Variants in AOPEP observed in about 807,000 individuals in gnomAD.
The protein encoded by AOPEP is aminopeptidase O.
A neutral mutation model predicts 98.1 loss-of-function variants in AOPEP; 77 were observed. That is an observed-to-expected ratio of 0.78 (90% CI 0.65 to 0.95). The LOEUF (loss-of-function observed/expected upper bound fraction) is 0.95. Among genes scored for constraint, AOPEP ranks in the 40% least tolerant of loss-of-function variants. AOPEP has a pLI of 0.00. For missense variants in AOPEP, 1,024 were observed against 1,024.7 expected, an observed-to-expected ratio of 1.00 and a Z score of 0.01; for synonymous variants, 346 against 365.3, an observed-to-expected ratio of 0.95 and a Z score of 0.60.
chr9:94,987,410 G>A (rs115971075), intron 11 of AOPEP, among the ~76,000 whole-genome samples: 11,145 of 152,274 alleles, frequency 0.073, 1,032 homozygotes, highest in African/African-American at 0.22. Flanking sequence ...GTGCTGCTGG[G>A]AAACTCAGTG....
chr9:95,111,360 C>G, the AOPEP span: 1 of 1,597,908 alleles, frequency 6.3e-7, no homozygotes, highest in Non-Finnish European at 8.5e-7. Context: ...GGGCAGAGCT[C>G]AGGTGTCATG....
intron 5 of AOPEP, among the ~76,000 whole-genome samples, chr9:94,842,396 A>G (rs1346445313): frequency 6.6e-6 from 1 of 151,986 alleles, no homozygotes; most frequent in East Asian, 1.9e-4. Context: ...CAAACAAAAT[A>G]AAACCAAAAC....
At chr9:95,059,537 G>A (rs2067139184) in intron 13 of AOPEP, among the ~76,000 whole-genome samples, 1 of 151,846 alleles carries the variant, frequency 6.6e-6, no homozygotes, top group South Asian at 2.1e-4. Context: ...ATGAGTGAGG[G>A]GGTAAGGGGG....
intron 13 of AOPEP, among the ~76,000 whole-genome samples, chr9:95,010,230 T>G (rs1316316016): frequency 6.6e-6 from 1 of 152,234 alleles, no homozygotes; most frequent in Non-Finnish European, 1.5e-5. Context: ...TTAAACTATT[T>G]AACAAAGTAC....
intron 14 of AOPEP, among the ~76,000 whole-genome samples, chr9:95,061,277 G>A (rs1351278911): frequency 6.6e-6 from 1 of 152,194 alleles, no homozygotes; most frequent in Non-Finnish European, 1.5e-5. Flanking sequence ...AAAGCAATGT[G>A]ATATAGTCCT....
chr9:95,024,534 C>T (rs12339639), intron 13 of AOPEP, among the ~76,000 whole-genome samples: 15,834 of 152,234 alleles, frequency 0.1, 945 homozygotes, highest in East Asian at 0.18. Context: ...GATATGGTAT[C>T]TGACCCCTGT....
chr9:94,967,684 C>A, intron 9 of AOPEP, 74 bp from the exon 10 acceptor site: 3 of 1,295,498 alleles, frequency 2.3e-6, no homozygotes, highest in Non-Finnish European at 3.4e-6. Context: ...TGGGAGCACT[C>A]AGCCTCTGGC....
intron 13 of AOPEP, among the ~76,000 whole-genome samples, chr9:95,047,564 C>T (rs1231656654): frequency 6.6e-6 from 1 of 152,160 alleles, no homozygotes; most frequent in East Asian, 1.9e-4. Flanking sequence ...CTGCCCTGAT[C>T]AGTTCCCTTC....
chr9:94,742,346 A>G (rs1833327019), intron 1 of AOPEP, among the ~76,000 whole-genome samples: 2 of 152,156 alleles, frequency 1.3e-5, no homozygotes. Flanking sequence ...TGAGTAGCCC[A>G]CCAACCAGTG....
chr9:95,022,801 A>C (rs1487679316), intron 13 of AOPEP, among the ~76,000 whole-genome samples: 2 of 152,130 alleles, frequency 1.3e-5, no homozygotes, highest in African/African-American at 4.8e-5. Context: ...AGCAGGAAAA[A>C]TGTTTGTCTG....
chr9:94,753,449 G>A (rs1024406570), intron 1 of AOPEP, among the ~76,000 whole-genome samples: 3 of 152,128 alleles, frequency 2.0e-5, no homozygotes, highest in Admixed American at 6.6e-5. Context: ...AAGGTTATTC[G>A]AGATTGACTT....
chr9:95,122,223 T>C, the AOPEP span, among the ~76,000 whole-genome samples: 4 of 152,116 alleles, frequency 2.6e-5, no homozygotes, highest in African/African-American at 9.7e-5. Flanking sequence ...GATAGACATA[T>C]ATTCAGATTA....
chr9:94,746,061 C>G (rs7850601), intron 1 of AOPEP, among the ~76,000 whole-genome samples: 1 of 152,180 alleles, frequency 6.6e-6, no homozygotes, highest in East Asian at 1.9e-4. Context: ...TGAACTCTTT[C>G]GAGTGTTAGA....
At position 94,956,027 on chromosome 9, in the gene AOPEP, G is replaced by A; in HGVS notation, c.1872+12G>A. 2 of 1,476,038 alleles carry A rather than the reference G, an allele frequency of 1.4e-6. No homozygotes were observed. Among genetic ancestry groups the A allele is most frequent in the Non-Finnish European group, 1.9e-6 (2 of 1,055,236 alleles). The allele number at this position is 1,476,038 out of a possible 1,614,324, so 91.4% of individuals were successfully genotyped here. On this transcript the variant is annotated intron_variant, in intron 9 of 16. Coordinates refer to ENST00000375315, the MANE Select transcript of AOPEP (RefSeq NM_001193329.3). ...TGATTCTTTCCCAGGTAACTTATGGGTCCTCATGAGTCCATGATGTATGAC... is the reference window on the plus strand; with the variant it reads ...TGATTCTTTCCCAGGTAACTTATGGATCCTCATGAGTCCATGATGTATGAC...
chr9:94,802,683 T>C lies in AOPEP; in HGVS notation c.1364+1681T>C, dbSNP rs528197213. ...CATAACTTAGCAACAACAAGACTGC[T>C]TTTATGCTTAAAAGCAGGAGAACCG... On this transcript the variant is annotated intron_variant, in intron 5 of 16. Coordinates refer to ENST00000375315, the MANE Select transcript of AOPEP (RefSeq NM_001193329.3). Among the ~76,000 whole-genome samples the C allele has an allele frequency of 1.6e-3, 240 of 152,364 alleles. 1 individual carries two copies. Among genetic ancestry groups the C allele is most frequent in the Middle Eastern group, 3.4e-3 (1 of 294 alleles).
intron 1 of AOPEP, among the ~76,000 whole-genome samples, chr9:94,755,062 A>G (rs2132322405): frequency 6.6e-6 from 1 of 152,320 alleles, no homozygotes; most frequent in African/African-American, 2.4e-5. Context: ...CATTTAAAAT[A>G]CATACCACAT....
intron 5 of AOPEP, among the ~76,000 whole-genome samples, chr9:94,886,291 G>A (rs2048232945): frequency 6.6e-6 from 1 of 152,174 alleles, no homozygotes; most frequent in South Asian, 2.1e-4. Context: ...TGTGTTGGGT[G>A]TGTGAACATT....
chr9:95,063,617 G>C (rs1304811084), intron 14 of AOPEP, among the ~76,000 whole-genome samples: 1 of 152,216 alleles, frequency 6.6e-6, no homozygotes, highest in African/African-American at 2.4e-5. Context: ...AGCGTGCCCT[G>C]CTTTGAGTTT....
At chr9:94,934,285 AACTGCTGACTATGCTC>A (rs1310355402) in intron 7 of AOPEP, among the ~76,000 whole-genome samples, 1 of 145,210 alleles carries the variant, frequency 6.9e-6, no homozygotes, top group African/African-American at 2.6e-5. Context: ...CTCTCCCTCT[AACTGCTGACTATGCTC>A]ACACTTCTCC....
Sources: allele counts gnomAD v4.1 joint callset (sites outside exome capture counted in the v4.1 genomes callset), GRCh38; gene constraint gnomAD v4.1.1; transcripts MANE v1.5; gene names NCBI Gene and HGNC (gene_info 2026-07-23, HGNC 2026-07-21).